Variants in FARP1 observed in about 807,000 individuals in gnomAD.
FARP1 encodes the protein FERM, ARHGEF and pleckstrin domain-containing protein 1.
Under a neutral mutation model 128.8 loss-of-function variants are expected in FARP1, and 52 were observed. The observed-to-expected ratio is 0.40, with a 90% CI of 0.32 to 0.51. The LOEUF (loss-of-function observed/expected upper bound fraction) is 0.51, where lower values mean the gene tolerates loss of function less well. Among genes scored for constraint, FARP1 ranks in the 20% least tolerant of loss-of-function variants. The pLI is 0.45. For synonymous variants in FARP1, 580 were observed against 551.8 expected (o/e 1.05, Z -0.72); for missense variants, 1,333 against 1,367.9 (o/e 0.97, Z 0.40).
At chr13:98,320,948 C>A (rs1305026045) in intron 2 of FARP1, among the ~76,000 whole-genome samples, 1 of 152,190 alleles carries the variant, frequency 6.6e-6, no homozygotes, top group Admixed American at 6.5e-5. Context: ...CCGAGAGACA[C>A]CTCCAGTTTG....
chr13:98,357,784 T>C (rs766019919), intron 3 of FARP1, among the ~76,000 whole-genome samples: 4 of 152,228 alleles, frequency 2.6e-5, no homozygotes, highest in Non-Finnish European at 5.9e-5. Flanking sequence ...AAAAATTGGA[T>C]GTCACATATG....
At chr13:98,313,495 G>A (rs181721614) in intron 2 of FARP1, among the ~76,000 whole-genome samples, 4 of 152,332 alleles carry the variant, frequency 2.6e-5, no homozygotes, top group South Asian at 2.1e-4. Flanking sequence ...AGGAGGAACC[G>A]GCCCTGCTAA....
chr13:98,280,491 C>G (rs1267051435), intron 2 of FARP1, among the ~76,000 whole-genome samples: 1 of 152,224 alleles, frequency 6.6e-6, no homozygotes, highest in Non-Finnish European at 1.5e-5. Context: ...CCGCTCACCC[C>G]AGCTCTCTGT....
chr13:98,256,717 G>C (rs1334233420), intron 2 of FARP1, among the ~76,000 whole-genome samples: 1 of 151,210 alleles, frequency 6.6e-6, no homozygotes, highest in Non-Finnish European at 1.5e-5. Flanking sequence ...ATGCTACCAT[G>C]CCTGGCTAAT....
intron 2 of FARP1, among the ~76,000 whole-genome samples, chr13:98,217,452 C>T (rs903211996): frequency 4.6e-5 from 7 of 152,202 alleles, no homozygotes; most frequent in African/African-American, 1.7e-4. Flanking sequence ...TCGGCGTCTA[C>T]GACCGTCGTC....
intron 13 of FARP1, chr13:98,395,995 G>T: frequency 2.5e-6 from 1 of 399,178 alleles, no homozygotes; most frequent in Non-Finnish European, 4.4e-6. Context: ...CCCGGACCAG[G>T]GTCCTCCTTA....
At chr13:98,343,046 A>G (rs910822616) in intron 2 of FARP1, among the ~76,000 whole-genome samples, 4 of 152,062 alleles carry the variant, frequency 2.6e-5, no homozygotes, top group South Asian at 2.1e-4. Flanking sequence ...AAAGACACAG[A>G]AGGATCTTAT....
At chr13:98,247,515 A>G (rs1883129934) in intron 2 of FARP1, among the ~76,000 whole-genome samples, 4 of 152,186 alleles carry the variant, frequency 2.6e-5, no homozygotes, top group African/African-American at 4.8e-5. Context: ...AGTGGAGCTC[A>G]CTGGGAGGAC....
chr13:98,147,350 T>G (rs1204626415), intron 1 of FARP1, among the ~76,000 whole-genome samples: 1 of 152,126 alleles, frequency 6.6e-6, no homozygotes, highest in African/African-American at 2.4e-5. Context: ...AATTATGAAC[T>G]TCAAGACTTG....
intron 1 of FARP1, among the ~76,000 whole-genome samples, chr13:98,156,307 C>A (rs754960199): frequency 1.3e-5 from 2 of 152,172 alleles, no homozygotes; most frequent in Non-Finnish European, 2.9e-5. Flanking sequence ...AACCATGAAG[C>A]TTTGAATCTG....
chr13:98,253,880 C>G (rs1883467439), intron 2 of FARP1, among the ~76,000 whole-genome samples: 2 of 152,244 alleles, frequency 1.3e-5, no homozygotes. Context: ...TCAGAATCCA[C>G]TGTCTTGTTT....
chr13:98,320,010 C>G (rs892407408), intron 2 of FARP1, among the ~76,000 whole-genome samples: 2 of 152,152 alleles, frequency 1.3e-5, no homozygotes, highest in Non-Finnish European at 2.9e-5. Context: ...GTCTGAAACA[C>G]CCGGGGTGGA....
intron 3 of FARP1, among the ~76,000 whole-genome samples, chr13:98,364,999 G>A (rs181345544): frequency 1.0e-3 from 152 of 152,272 alleles, no homozygotes; most frequent in African/African-American, 3.6e-3. Flanking sequence ...AAGATGTGCT[G>A]TTCTAGACAC....
chr13:98,428,467 G>C (rs1891872864), intron 17 of FARP1, among the ~76,000 whole-genome samples: 7 of 152,106 alleles, frequency 4.6e-5, no homozygotes, highest in Admixed American at 4.6e-4. Flanking sequence ...TTCCCAATGA[G>C]TCACCTCCCA....
At chr13:98,275,626 C>CTTTTTTTTT (rs1566822544) in intron 2 of FARP1, among the ~76,000 whole-genome samples, 2 of 140,524 alleles carry the variant, frequency 1.4e-5, no homozygotes, top group Admixed American at 7.2e-5. Context: ...TTCTCTTTCT[C>CTTTTTTTTT]TCTTTTTTTT....
intron 2 of FARP1, among the ~76,000 whole-genome samples, chr13:98,288,715 A>T (rs1443830410): frequency 1.3e-5 from 2 of 152,164 alleles, no homozygotes; most frequent in Non-Finnish European, 2.9e-5. Context: ...CATTGTTTTG[A>T]TGGCGGTAAC....
At chr13:98,428,349 G>C (rs1487379878) in intron 17 of FARP1, among the ~76,000 whole-genome samples, 1 of 152,054 alleles carries the variant, frequency 6.6e-6, no homozygotes, top group Non-Finnish European at 1.5e-5. Flanking sequence ...ATTCCTTCCT[G>C]TATCGCCTGT....
chr13:98,285,540 C>T (rs1885125254), intron 2 of FARP1, among the ~76,000 whole-genome samples: 1 of 152,180 alleles, frequency 6.6e-6, no homozygotes, highest in Non-Finnish European at 1.5e-5. Context: ...AATCTGCTGC[C>T]TTGTCTCACA....
chr13:98,219,865 C>T (rs747292545), intron 2 of FARP1, among the ~76,000 whole-genome samples: 7 of 151,646 alleles, frequency 4.6e-5, no homozygotes, highest in Non-Finnish European at 7.4e-5. Flanking sequence ...ACAGGGGTCT[C>T]GCTATGTTGC....
Sources: gnomAD v4.1 joint callset for allele counts (sites outside exome capture counted in the v4.1 genomes callset) on GRCh38, gnomAD v4.1.1 for gene constraint, MANE v1.5 for transcripts, NCBI Gene and HGNC (gene_info 2026-07-23, HGNC 2026-07-21) for gene names.